The following SUDS3 variants were observed in gnomAD, a reference collection of about 807,000 sequenced individuals.
SUDS3 encodes the protein SIN3A corepressor complex component SDS3.
A neutral mutation model predicts 53.5 loss-of-function variants in SUDS3; 23 were observed. That is an observed-to-expected ratio of 0.43 (90% CI 0.31 to 0.61). SUDS3 has a LOEUF of 0.61. Ranked by LOEUF, SUDS3 falls within the 20% of genes least tolerant of loss-of-function variation. The pLI is 0.10. For synonymous variants in SUDS3, 150 were observed against 148.5 expected, an observed-to-expected ratio of 1.01 and a Z score of -0.08; for missense variants, 291 against 405.9, an observed-to-expected ratio of 0.72 and a Z score of 2.43.
intron 10 of SUDS3, among the ~76,000 whole-genome samples, chr12:118,407,313 G>C (rs753573709): frequency 2.0e-5 from 3 of 152,322 alleles, no homozygotes; most frequent in Admixed American, 6.5e-5. Flanking sequence ...GAAGGTCTCA[G>C]AGACTGCGGT....
At chr12:118,382,052 T>G (rs1486648959) in intron 2 of SUDS3, among the ~76,000 whole-genome samples, 3 of 152,126 alleles carry the variant, frequency 2.0e-5, no homozygotes, top group African/African-American at 4.8e-5. Context: ...TACTTTTTTT[T>G]TTTTTGAAAC....
At chr12:118,410,041 G>A (rs1440863363) in intron 10 of SUDS3, among the ~76,000 whole-genome samples, 2 of 152,222 alleles carry the variant, frequency 1.3e-5, no homozygotes, top group South Asian at 2.1e-4. Flanking sequence ...ATACCCTTTG[G>A]TATACGTCAT....
chr12:118,376,904 G>A, intron 1 of SUDS3, 71 bp downstream of exon 1: 1 of 1,368,200 alleles, frequency 7.3e-7, no homozygotes, highest in Non-Finnish European at 9.4e-7. Context: ...GGGGCTGTTC[G>A]GGAGAGGGGC....
At chr12:118,397,671 G>A (rs910365340) in intron 6 of SUDS3, among the ~76,000 whole-genome samples, 2 of 151,976 alleles carry the variant, frequency 1.3e-5, no homozygotes, top group African/African-American at 4.8e-5. Context: ...CTGCAAAGCA[G>A]TCTTTTGGAT....
chr12:118,398,021 G>A (rs2046231157), intron 6 of SUDS3, among the ~76,000 whole-genome samples: 1 of 152,150 alleles, frequency 6.6e-6, no homozygotes, highest in African/African-American at 2.4e-5. Context: ...TTAGGTGTCA[G>A]TGTTGCACAG....
At chr12:118,395,225 T>G (rs962173816) in intron 6 of SUDS3, among the ~76,000 whole-genome samples, 4 of 139,000 alleles carry the variant, frequency 2.9e-5, no homozygotes, top group South Asian at 2.5e-4. Context: ...GGTTTTTTTT[T>G]TTTTTTTTTT....
At chr12:118,379,309 C>A (rs1366743073) in intron 1 of SUDS3, among the ~76,000 whole-genome samples, 1 of 152,002 alleles carries the variant, frequency 6.6e-6, no homozygotes, top group Non-Finnish European at 1.5e-5. Flanking sequence ...TGGTGGTGCA[C>A]CCCTGTAATC....
chr12:118,382,694 G>A (rs2046077574), intron 2 of SUDS3, among the ~76,000 whole-genome samples: 2 of 143,312 alleles, frequency 1.4e-5, no homozygotes, highest in Admixed American at 1.4e-4. Context: ...AAGAGACAGG[G>A]TCTTGCTCTG....
Position 118,401,970 on chromosome 12 carries a change from GTTC to G in SUDS3, c.676-9_676-7del, listed in dbSNP as rs2046266791. The G allele has an allele frequency of 1.2e-6, 2 of 1,613,760 alleles. No homozygotes were observed. Among genetic ancestry groups the G allele is most frequent in the Non-Finnish European group, 1.7e-6 (2 of 1,179,858 alleles). The stretch of plus-strand genomic sequence containing the variant: ...ATTTTCTCTAAGATTTTTTGTTGTT[GTTC>G]TTCCTACAGCTTAAGTCACCCAAGA... On this transcript the variant is annotated splice_polypyrimidine_tract_variant and intron_variant, in intron 8 of 11. Coordinates refer to ENST00000543473, the MANE Select transcript of SUDS3 (RefSeq NM_022491.3).
Position 118,396,776 on chromosome 12 carries a change from G to A in SUDS3, c.518-3883G>A, listed in dbSNP as rs148788706. Reference sequence around the variant, plus strand: ...AACTGGTAATTGTATGTAAATTGCAGGTAATTAATTTATCAAGAATATCTC... The same window carrying A: ...AACTGGTAATTGTATGTAAATTGCAAGTAATTAATTTATCAAGAATATCTC... On this transcript the variant is annotated intron_variant, in intron 6 of 11. Coordinates refer to ENST00000543473, the MANE Select transcript of SUDS3 (RefSeq NM_022491.3). Among the ~76,000 whole-genome samples the A allele has an allele frequency of 4.1e-3, 629 of 152,260 alleles. 3 individuals are homozygous for A. Among genetic ancestry groups the A allele is most frequent in the African/African-American group, 0.015 (605 of 41,546 alleles).
At chr12:118,388,843 A>T (rs1037852678) in intron 4 of SUDS3, among the ~76,000 whole-genome samples, 2 of 152,142 alleles carry the variant, frequency 1.3e-5, no homozygotes, top group African/African-American at 4.8e-5. Flanking sequence ...AGCCCTTCAT[A>T]TAGTGCTTTA....
At chr12:118,409,410 G>A (rs2046339033) in intron 10 of SUDS3, among the ~76,000 whole-genome samples, 1 of 152,214 alleles carries the variant, frequency 6.6e-6, no homozygotes, top group Non-Finnish European at 1.5e-5. Flanking sequence ...CTCCCAAAGT[G>A]CTGGGATTAC....
intron 6 of SUDS3, among the ~76,000 whole-genome samples, chr12:118,393,659 C>CT (rs536968059): frequency 0.017 from 2,400 of 144,374 alleles, 61 homozygotes; most frequent in African/African-American, 0.055. Context: ...TTCTTTCTTT[C>CT]TTTTTTTTTT....
intron 7 of SUDS3, among the ~76,000 whole-genome samples, 188 bp from the exon 8 acceptor site, chr12:118,401,571 C>CT (rs3216743): frequency 0.011 from 1,626 of 152,300 alleles, 56 homozygotes; most frequent in East Asian, 0.062. Context: ...GATGTGAATT[C>CT]TTTTATGTAT....
At chr12:118,382,062 CAG>C (rs1022766431) in intron 2 of SUDS3, among the ~76,000 whole-genome samples, 21 of 149,738 alleles carry the variant, frequency 1.4e-4, no homozygotes, top group Non-Finnish European at 2.2e-4. Flanking sequence ...TTTTTTGAAA[CAG>C]AGTCTCACTC....
At chr12:118,409,928 G>A (rs143046022) in intron 10 of SUDS3, among the ~76,000 whole-genome samples, 2 of 152,196 alleles carry the variant, frequency 1.3e-5, no homozygotes, top group African/African-American at 2.4e-5. Context: ...ATAAGAAGTG[G>A]CCCTACACTA....
intron 2 of SUDS3, among the ~76,000 whole-genome samples, chr12:118,380,518 G>A (rs117730538): frequency 0.016 from 2,457 of 152,266 alleles, 28 homozygotes; most frequent in South Asian, 0.027. Context: ...TAGTAACCTT[G>A]TGTGTATGAG....
At chr12:118,387,557 CTT>C (rs957059278) in intron 4 of SUDS3, among the ~76,000 whole-genome samples, 1 of 145,404 alleles carries the variant, frequency 6.9e-6, no homozygotes, top group African/African-American at 2.5e-5. Context: ...CTCATGTGTT[CTT>C]TTTTTTTTTT....
At position 118,414,873 on chromosome 12, in the gene SUDS3, G is replaced by A. The variant is rs1281008812; in HGVS notation, c.*440G>A. 2.0e-5 allele frequency: 3 copies of A among 152,964 alleles called. No homozygotes were observed. The highest frequency in any genetic ancestry group is 7.2e-5 in the African/African-American group (3 of 41,470). 9.5% of individuals were successfully genotyped at this position (152,964 alleles called of 1,614,324 possible). On this transcript the variant is annotated 3_prime_UTR_variant, in exon 12 of 12. Coordinates refer to ENST00000543473, the MANE Select transcript of SUDS3 (RefSeq NM_022491.3). ...TTGAATCTGATTAGTGGATCACGTA[G>A]CTACTTTCCCTGTCGCGTCCAATTC...
Sources: gnomAD v4.1 joint callset for allele counts (sites outside exome capture counted in the v4.1 genomes callset) on GRCh38, gnomAD v4.1.1 for gene constraint, MANE v1.5 for transcripts, NCBI Gene and HGNC (gene_info 2026-07-23, HGNC 2026-07-21) for gene names.